PDS5A: variants seen among roughly 807,000 people sequenced by gnomAD.
PDS5A encodes the protein PDS5 cohesin associated factor A.
PDS5A carries 42 observed loss-of-function variants against 167.1 expected under a neutral mutation model. The ratio of observed to expected loss-of-function variants is 0.25; its 90% CI spans 0.20 to 0.33. The LOEUF (loss-of-function observed/expected upper bound fraction) is 0.33, where lower values mean the gene tolerates loss of function less well. Among genes scored for constraint, PDS5A ranks in the 10% least tolerant of loss-of-function variants. The pLI is 1.00. For synonymous variants in PDS5A, 553 were observed against 554.6 expected (o/e 1.00, Z 0.04); for missense variants, 1,033 against 1,605.9 (o/e 0.64, Z 6.10).
chr4:39,860,872 C>G (rs1265509279), intron 26 of PDS5A, among the ~76,000 whole-genome samples: 1 of 151,674 alleles, frequency 6.6e-6, no homozygotes, highest in Non-Finnish European at 1.5e-5. Flanking sequence ...GAGTTTGAGA[C>G]CAGCCTGGGC....
intron 2 of PDS5A, among the ~76,000 whole-genome samples, chr4:39,947,716 C>T (rs980796816): frequency 6.6e-6 from 1 of 152,158 alleles, no homozygotes; most frequent in Non-Finnish European, 1.5e-5. Context: ...ATGTGACCCA[C>T]GGGCTGTGAG....
chr4:39,905,023 G>A (rs1723212408), intron 11 of PDS5A, among the ~76,000 whole-genome samples: 1 of 152,220 alleles, frequency 6.6e-6, no homozygotes, highest in Non-Finnish European at 1.5e-5. Flanking sequence ...TCTGGGCCAG[G>A]CATGGTGGCT....
chr4:39,926,513 C>T (rs543761976), intron 4 of PDS5A, among the ~76,000 whole-genome samples: 4 of 133,530 alleles, frequency 3.0e-5, no homozygotes, highest in South Asian at 2.5e-4. Context: ...AGTGAAACTA[C>T]GTCTCAAAAA....
intron 2 of PDS5A, among the ~76,000 whole-genome samples, chr4:39,954,742 G>A (rs1244913599): frequency 2.0e-5 from 3 of 149,236 alleles, no homozygotes; most frequent in East Asian, 2.0e-4. Context: ...AGACAGAGAC[G>A]TTAAAATAAC....
intron 9 of PDS5A, among the ~76,000 whole-genome samples, chr4:39,910,808 C>T (rs1723814938): frequency 6.6e-6 from 1 of 152,068 alleles, no homozygotes; most frequent in Admixed American, 6.5e-5. Context: ...CAGCCTTGAA[C>T]ACATGGCAAA....
chr4:39,917,013 A>AT (rs200163464), intron 8 of PDS5A, 35 bp downstream of exon 8: 8,145 of 1,191,340 alleles, frequency 6.8e-3, no homozygotes, highest in South Asian at 0.012. Flanking sequence ...AAACAAAAAA[A>AT]TTAAAAAAAA....
At chr4:39,952,372 T>C (rs1457637072) in intron 2 of PDS5A, among the ~76,000 whole-genome samples, 1 of 152,218 alleles carries the variant, frequency 6.6e-6, no homozygotes, top group Non-Finnish European at 1.5e-5. Context: ...TATTTTCCTT[T>C]ACATATGTAA....
At chr4:39,919,653 T>A (rs913080887) in intron 7 of PDS5A, among the ~76,000 whole-genome samples, 12 of 151,588 alleles carry the variant, frequency 7.9e-5, no homozygotes, top group Non-Finnish European at 1.5e-4. Flanking sequence ...TCAAAAAAAA[T>A]TTTTTTTTCA....
At chr4:39,833,191 CAAAAAAAAA>C (rs1166233113) in intron 32 of PDS5A, among the ~76,000 whole-genome samples, 9 of 37,928 alleles carry the variant, frequency 2.4e-4, no homozygotes, top group Admixed American at 4.9e-4. Context: ...AACTCCGTCT[CAAAAAAAAA>C]AAAAAAAAAA....
At chr4:39,876,932 A>G (rs1720506775) in intron 19 of PDS5A, 61 bp downstream of exon 19, 1 of 1,256,210 alleles carries the variant, frequency 8.0e-7, no homozygotes, top group Admixed American at 2.2e-5. Context: ...GAAAACAATG[A>G]TTTTATGGTT....
intron 32 of PDS5A, chr4:39,837,131 C>G (rs1403569664): frequency 1.3e-5 from 2 of 151,936 alleles, no homozygotes; most frequent in Admixed American, 6.6e-5. Context: ...TGAGCATGGC[C>G]TGACATTGAG....
intron 10 of PDS5A, 173 bp downstream of exon 10, chr4:39,910,071 T>G: frequency 2.1e-6 from 1 of 469,668 alleles, no homozygotes. Flanking sequence ...TAAAGAGATT[T>G]TAAATGTAAT....
chr4:39,871,532 T>C (rs1477345396), intron 21 of PDS5A, among the ~76,000 whole-genome samples: 4 of 152,178 alleles, frequency 2.6e-5, no homozygotes, highest in Admixed American at 2.6e-4. Flanking sequence ...TTCCTGATAC[T>C]GAGGCCTCAA....
chr4:39,895,914 C>T (rs1257248485), intron 16 of PDS5A, among the ~76,000 whole-genome samples: 7 of 151,316 alleles, frequency 4.6e-5, no homozygotes, highest in East Asian at 1.9e-4. Flanking sequence ...TTAGTAGAGA[C>T]GGGGTCTCAC....
At chr4:39,827,570 A>G (rs1715437807) in intron 32 of PDS5A, among the ~76,000 whole-genome samples, 1 of 152,226 alleles carries the variant, frequency 6.6e-6, no homozygotes, top group Non-Finnish European at 1.5e-5. Flanking sequence ...ATGAGGATAC[A>G]CATTTGAGGA....
chr4:39,925,672 A>C (rs752678010), intron 5 of PDS5A, among the ~76,000 whole-genome samples, 164 bp downstream of exon 5: 4 of 152,234 alleles, frequency 2.6e-5, no homozygotes, highest in Non-Finnish European at 4.4e-5. Context: ...GGTCAAAGGC[A>C]GTGTTCGGAC....
chr4:39,855,066 GA>G (rs567838567), intron 26 of PDS5A, among the ~76,000 whole-genome samples: 25 of 152,204 alleles, frequency 1.6e-4, no homozygotes, highest in African/African-American at 5.8e-4. Context: ...AGAAATTTCA[GA>G]TATCAATTGC....
intron 17 of PDS5A, among the ~76,000 whole-genome samples, chr4:39,889,503 T>C (rs994176886): frequency 3.3e-5 from 5 of 152,184 alleles, no homozygotes; most frequent in African/African-American, 1.2e-4. Context: ...TCTAGGCTGT[T>C]TGGAAAAAGA....
intron 17 of PDS5A, 47 bp from the exon 18 acceptor site, chr4:39,879,880 T>TG: frequency 1.9e-6 from 2 of 1,036,202 alleles, no homozygotes; most frequent in Non-Finnish European, 3.0e-6. Flanking sequence ...TAGTAGTAAC[T>TG]ATATCCTAAT....
Sources: gnomAD v4.1 joint callset for allele counts (sites outside exome capture counted in the v4.1 genomes callset) on GRCh38, gnomAD v4.1.1 for gene constraint, MANE v1.5 for transcripts, NCBI Gene and HGNC (gene_info 2026-07-23, HGNC 2026-07-21) for gene names.